PCDH15: variants seen among roughly 807,000 people sequenced by gnomAD.
PCDH15 encodes the protein protocadherin-15.
Under a neutral mutation model 178.5 loss-of-function variants are expected in PCDH15, and 129 were observed. The observed-to-expected ratio is 0.72, with a 90% CI of 0.63 to 0.84. The LOEUF is 0.84. Among genes scored for constraint, PCDH15 ranks in the 40% least tolerant of loss-of-function variants. The probability of loss-of-function intolerance (pLI) is 0.00; values close to 1 mark genes in which losing one functional copy is unlikely to be tolerated. For missense variants in PCDH15, 2,230 were observed against 2,099.9 expected, an observed-to-expected ratio of 1.06 and a Z score of -1.21; for synonymous variants, 800 against 732.0, an observed-to-expected ratio of 1.09 and a Z score of -1.50.
At chr10:54,698,872 G>A (rs1366922859) in intron 1 of PCDH15, among the ~76,000 whole-genome samples, 1 of 152,074 alleles carries the variant, frequency 6.6e-6, no homozygotes, top group Admixed American at 6.6e-5. Context: ...TGTCATTTGT[G>A]TAAAAGTTTC....
chr10:54,075,988 T>C (rs1275558347), intron 17 of PCDH15, among the ~76,000 whole-genome samples: 1 of 152,198 alleles, frequency 6.6e-6, no homozygotes, highest in Non-Finnish European at 1.5e-5. Flanking sequence ...AAATTATTTC[T>C]ACAAATAACA....
intron 2 of PCDH15, among the ~76,000 whole-genome samples, chr10:55,375,307 C>T (rs980727153): frequency 1.3e-5 from 2 of 152,056 alleles, no homozygotes; most frequent in African/African-American, 4.8e-5. Context: ...ATATTTAAAT[C>T]GATTTTTAAG....
intron 30 of PCDH15, among the ~76,000 whole-genome samples, chr10:53,829,705 G>A (rs1379797757): frequency 6.6e-6 from 1 of 152,086 alleles, no homozygotes; most frequent in Admixed American, 6.6e-5. Flanking sequence ...AAATATTTCT[G>A]TAGTTTCAGG....
intron 2 of PCDH15, among the ~76,000 whole-genome samples, chr10:55,399,432 C>T (rs964507178): frequency 5.3e-5 from 8 of 152,038 alleles, no homozygotes; most frequent in South Asian, 2.1e-4. Flanking sequence ...ATTTTCCATC[C>T]AGCAAATTGA....
intron 2 of PCDH15, among the ~76,000 whole-genome samples, chr10:55,454,039 A>G (rs900517425): frequency 1.3e-5 from 2 of 152,126 alleles, no homozygotes; most frequent in Non-Finnish European, 2.9e-5. Flanking sequence ...TTATTCTATA[A>G]AATAATTCAA....
intron 3 of PCDH15, among the ~76,000 whole-genome samples, chr10:54,814,034 C>T (rs1369158030): frequency 6.6e-6 from 1 of 152,098 alleles, no homozygotes; most frequent in African/African-American, 2.4e-5. Context: ...GATTTTAATT[C>T]CCAGTCTACC....
At chr10:55,612,329 G>C (rs2132160947) in intron 2 of PCDH15, among the ~76,000 whole-genome samples, 1 of 151,924 alleles carries the variant, frequency 6.6e-6, no homozygotes, top group East Asian at 1.9e-4. Context: ...AATTAAGATG[G>C]AGCTGAGCCA....
rs3070741 is a variant in PCDH15, at chr10:54,536,382, A to AT, written c.92-8506dup. On this transcript the variant is annotated intron_variant, in intron 2 of 37. Coordinates refer to ENST00000644397, the MANE Select transcript of PCDH15 (RefSeq NM_001384140.1). ...TGTTTTTTAAAAAGCAATGACTGTC[A>AT]TTTTTTTTTTTAATATTTCAGTAGA... Among the ~76,000 whole-genome samples the AT allele has an allele frequency of 4.5e-3, 666 of 149,076 alleles. 7 individuals carry two copies. Among genetic ancestry groups the AT allele is most frequent in the South Asian group, 0.024 (113 of 4,742 alleles).
chr10:54,911,566 T>C (rs1041114566), intron 2 of PCDH15, among the ~76,000 whole-genome samples: 2 of 152,206 alleles, frequency 1.3e-5, no homozygotes, highest in Non-Finnish European at 2.9e-5. Context: ...TTTTGCCAAA[T>C]GTTTTCAGAT....
At chr10:53,949,313 T>C (rs540209096) in intron 23 of PCDH15, among the ~76,000 whole-genome samples, 1 of 152,354 alleles carries the variant, frequency 6.6e-6, no homozygotes, top group South Asian at 2.1e-4. Flanking sequence ...AAGCCAGCTC[T>C]TACATTGGAC....
chr10:54,174,259 G>A (rs1464132381), intron 13 of PCDH15, among the ~76,000 whole-genome samples: 4 of 151,972 alleles, frequency 2.6e-5, no homozygotes, highest in Non-Finnish European at 5.9e-5. Context: ...AAGGCCGGGC[G>A]TGGTGGCTCA....
chr10:55,252,175 C>T (rs961479565), intron 1 of PCDH15, among the ~76,000 whole-genome samples: 31 of 152,238 alleles, frequency 2.0e-4, no homozygotes, highest in African/African-American at 7.0e-4. Flanking sequence ...GTAGCATTTC[C>T]TCTCCTGTGA....
intron 1 of PCDH15, among the ~76,000 whole-genome samples, chr10:55,282,678 A>G (rs933644338): frequency 2.7e-5 from 4 of 150,550 alleles, no homozygotes; most frequent in Non-Finnish European, 5.9e-5. Context: ...TGATTAAGTA[A>G]TTAATTAAAA....
At chr10:53,943,937 A>C (rs971461937) in intron 23 of PCDH15, among the ~76,000 whole-genome samples, 2 of 152,122 alleles carry the variant, frequency 1.3e-5, no homozygotes, top group Non-Finnish European at 2.9e-5. Flanking sequence ...TTATTGTTTT[A>C]GGTTGTGGAA....
At chr10:54,853,197 T>C (rs989536590) in intron 3 of PCDH15, among the ~76,000 whole-genome samples, 2 of 149,100 alleles carry the variant, frequency 1.3e-5, no homozygotes, top group African/African-American at 2.5e-5. Flanking sequence ...TTGGCGGAGG[T>C]TGTAGTGAGC....
intron 2 of PCDH15, among the ~76,000 whole-genome samples, chr10:55,069,146 T>G (rs914871943): frequency 6.6e-6 from 1 of 151,436 alleles, no homozygotes; most frequent in African/African-American, 2.4e-5. Flanking sequence ...CCTGATGTGA[T>G]CCACCCACCT....
intron 3 of PCDH15, among the ~76,000 whole-genome samples, chr10:54,837,801 T>C (rs555928700): frequency 1.2e-4 from 19 of 152,172 alleles, no homozygotes; most frequent in Non-Finnish European, 1.9e-4. Context: ...TTTGGTGATA[T>C]ACAAAATAGA....
At chr10:54,603,480 T>C (rs1448728384) in intron 2 of PCDH15, among the ~76,000 whole-genome samples, 2 of 151,814 alleles carry the variant, frequency 1.3e-5, no homozygotes, top group Non-Finnish European at 2.9e-5. Flanking sequence ...GGTTGTTTAT[T>C]TGAGATGTTT....
At chr10:55,319,651 A>G (rs1843833807), upstream of PCDH15, 1 of 152,162 alleles carries the variant, frequency 6.6e-6, no homozygotes, top group Non-Finnish European at 1.5e-5. Flanking sequence ...CTGGCTCCCA[A>G]CAACTCCTTG....
Sources: gnomAD v4.1 joint callset for allele counts (sites outside exome capture counted in the v4.1 genomes callset) on GRCh38, gnomAD v4.1.1 for gene constraint, MANE v1.5 for transcripts, NCBI Gene and HGNC (gene_info 2026-07-23, HGNC 2026-07-21) for gene names.